The following XYLT1 variants were observed in gnomAD, a reference collection of about 807,000 sequenced individuals.
XYLT1 encodes the protein xylosyltransferase 1.
XYLT1 carries 36 observed loss-of-function variants against 91.3 expected under a neutral mutation model. The observed-to-expected ratio is 0.39, with a 90% CI of 0.30 to 0.52. The LOEUF (loss-of-function observed/expected upper bound fraction) is 0.52. Among genes scored for constraint, XYLT1 ranks in the 20% least tolerant of loss-of-function variants. The pLI, the probability that XYLT1 is intolerant of heterozygous loss-of-function variation, is 0.68. For synonymous variants in XYLT1, 588 were observed against 532.0 expected, an observed-to-expected ratio of 1.11 and a Z score of -1.45; for missense variants, 1,242 against 1,284.5, an observed-to-expected ratio of 0.97 and a Z score of 0.51.
chr16:17,427,647 A>C (rs2036336340), intron 1 of XYLT1, among the ~76,000 whole-genome samples: 1 of 152,220 alleles, frequency 6.6e-6, no homozygotes, highest in African/African-American at 2.4e-5. Flanking sequence ...AAATGTGCAC[A>C]GAAGATGCTT....
At chr16:17,423,007 T>G (rs1050933454) in intron 1 of XYLT1, among the ~76,000 whole-genome samples, 23 of 152,208 alleles carry the variant, frequency 1.5e-4, no homozygotes, top group African/African-American at 5.3e-4. Flanking sequence ...AAAGTCCCCG[T>G]ACAGACTAGC....
chr16:17,332,516 C>A (rs577077457), intron 2 of XYLT1, among the ~76,000 whole-genome samples: 1 of 150,844 alleles, frequency 6.6e-6, no homozygotes, highest in Non-Finnish European at 1.5e-5. Context: ...GAGCCAAGAT[C>A]GTGCCACTGC....
At chr16:17,149,761 C>T (rs1234653102) in intron 6 of XYLT1, among the ~76,000 whole-genome samples, 4 of 152,146 alleles carry the variant, frequency 2.6e-5, no homozygotes, top group Admixed American at 2.6e-4. Flanking sequence ...TGGCCCAAGT[C>T]TTGTGTCTTC....
intron 1 of XYLT1, among the ~76,000 whole-genome samples, chr16:17,440,468 G>A (rs969867897): frequency 6.6e-6 from 1 of 152,148 alleles, no homozygotes; most frequent in Non-Finnish European, 1.5e-5. Context: ...TTCAATGTCA[G>A]CCATTTCTAT....
intron 2 of XYLT1, among the ~76,000 whole-genome samples, chr16:17,313,711 G>C (rs1225193650): frequency 6.6e-6 from 1 of 151,778 alleles, no homozygotes; most frequent in East Asian, 1.9e-4. Context: ...AAGTTCATAG[G>C]AATCCATGAT....
chr16:17,226,502 T>C (rs1338617530), intron 3 of XYLT1, among the ~76,000 whole-genome samples: 1 of 152,136 alleles, frequency 6.6e-6, no homozygotes, highest in African/African-American at 2.4e-5. Context: ...ATTAAAAATG[T>C]TTCCAGCAGG....
chr16:17,286,346 A>G (rs1352788062), intron 2 of XYLT1, among the ~76,000 whole-genome samples: 1 of 152,222 alleles, frequency 6.6e-6, no homozygotes, highest in Non-Finnish European at 1.5e-5. Context: ...AGGGGATGGC[A>G]GATGGAAATT....
chr16:17,321,736 T>C (rs1002152517), intron 2 of XYLT1, among the ~76,000 whole-genome samples: 18 of 152,142 alleles, frequency 1.2e-4, no homozygotes, highest in African/African-American at 1.4e-4. Context: ...GCAATGTCCA[T>C]AGACATTGTG....
chr16:17,270,473 G>T (rs2033872587), intron 2 of XYLT1, among the ~76,000 whole-genome samples: 1 of 152,092 alleles, frequency 6.6e-6, no homozygotes, highest in Non-Finnish European at 1.5e-5. Flanking sequence ...GATCTGAACT[G>T]GCATCTCCTG....
chr16:17,236,606 G>C (rs571579309), intron 3 of XYLT1, among the ~76,000 whole-genome samples: 1 of 152,186 alleles, frequency 6.6e-6, no homozygotes, highest in South Asian at 2.1e-4. Flanking sequence ...GTCTCATAGT[G>C]CCGGAGGCTG....
intron 3 of XYLT1, among the ~76,000 whole-genome samples, chr16:17,230,310 T>C (rs2033138922): frequency 6.6e-6 from 1 of 152,220 alleles, no homozygotes; most frequent in Non-Finnish European, 1.5e-5. Context: ...CTCTTGATCC[T>C]GTCCCTGTCC....
intron 5 of XYLT1, among the ~76,000 whole-genome samples, chr16:17,177,017 C>T (rs2031960382): frequency 6.6e-6 from 1 of 152,186 alleles, no homozygotes; most frequent in African/African-American, 2.4e-5. Context: ...ACCTGCCTCT[C>T]TGGCCTCATT....
At chr16:17,272,819 G>A (rs565869507) in intron 2 of XYLT1, among the ~76,000 whole-genome samples, 1 of 152,294 alleles carries the variant, frequency 6.6e-6, no homozygotes, top group East Asian at 1.9e-4. Flanking sequence ...GGCTCTTCCG[G>A]GAGGCCTTCT....
chr16:17,458,479 G>A (rs1308345769), intron 1 of XYLT1, among the ~76,000 whole-genome samples: 2 of 152,166 alleles, frequency 1.3e-5, no homozygotes, highest in Admixed American at 1.3e-4. Flanking sequence ...ATAACTGTGG[G>A]AGCAATGCAG....
chr16:17,143,676 T>G (rs756448230), intron 6 of XYLT1, among the ~76,000 whole-genome samples: 1 of 152,164 alleles, frequency 6.6e-6, no homozygotes, highest in African/African-American at 2.4e-5. Flanking sequence ...GACCAAAAGC[T>G]ACTCTCTCAG....
At chr16:17,311,443 A>G (rs1490421217) in intron 2 of XYLT1, among the ~76,000 whole-genome samples, 1 of 152,158 alleles carries the variant, frequency 6.6e-6, no homozygotes, top group Non-Finnish European at 1.5e-5. Context: ...TGTGATTCCA[A>G]GAGTCTGGGG....
At chr16:17,162,569 T>G (rs900493464) in intron 5 of XYLT1, among the ~76,000 whole-genome samples, 1 of 152,096 alleles carries the variant, frequency 6.6e-6, no homozygotes, top group African/African-American at 2.4e-5. Context: ...CTACAAATGA[T>G]AGTGAATGAA....
At chr16:17,110,985 C>A (rs769419993) in intron 11 of XYLT1, among the ~76,000 whole-genome samples, 6 of 152,126 alleles carry the variant, frequency 3.9e-5, no homozygotes, top group Non-Finnish European at 7.4e-5. Context: ...CATGGTGAAA[C>A]CCCGTCTCTA....
intron 2 of XYLT1, among the ~76,000 whole-genome samples, chr16:17,306,557 G>GATATATATAT (rs35971345): frequency 0.036 from 5,200 of 146,344 alleles, 136 homozygotes; most frequent in East Asian, 0.087. Flanking sequence ...TGTCACAAAA[G>GATATATATAT]ATATATATAT....
Sources: gnomAD v4.1 joint callset for allele counts (sites outside exome capture counted in the v4.1 genomes callset) on GRCh38, gnomAD v4.1.1 for gene constraint, MANE v1.5 for transcripts, NCBI Gene and HGNC (gene_info 2026-07-23, HGNC 2026-07-21) for gene names.